The following USP6NL variants were observed in gnomAD, a reference collection of about 807,000 sequenced individuals.
USP6NL encodes the protein USP6 N-terminal like.
Under a neutral mutation model 61.9 loss-of-function variants are expected in USP6NL, and 26 were observed. The ratio of observed to expected loss-of-function variants is 0.42; its 90% confidence interval spans 0.31 to 0.58. The LOEUF (loss-of-function observed/expected upper bound fraction) is 0.58, where lower values mean the gene tolerates loss of function less well. Ranked by LOEUF, USP6NL falls within the 20% of genes least tolerant of loss-of-function variation. The pLI, the probability that USP6NL is intolerant of heterozygous loss-of-function variation, is 0.16. For synonymous variants in USP6NL, 432 were observed against 390.1 expected (o/e 1.11, Z -1.27); for missense variants, 1,114 against 1,034.3 (o/e 1.08, Z -1.06).
chr10:11,566,012 T>C (rs1281714823), intron 2 of USP6NL, among the ~76,000 whole-genome samples: 1 of 152,112 alleles, frequency 6.6e-6, no homozygotes, highest in Non-Finnish European at 1.5e-5. Flanking sequence ...TTATATGCCA[T>C]TGGAAGAGAT....
At position 11,556,661 on chromosome 10, in the gene USP6NL, A is replaced by C. The variant is rs112712831; in HGVS notation, c.5-29094T>G. ...TCGGACAAAGCCGACTTAGGCAATA[A>C]TCATTACAGGAGATACAAAGTAACA... On this transcript the variant is annotated intron_variant, in intron 2 of 14. Coordinates refer to ENST00000609104, the MANE Select transcript of USP6NL (RefSeq NM_014688.5). 2.9e-3 allele frequency among the ~76,000 whole-genome samples: 438 copies of C among 152,364 alleles called. 2 individuals carry two copies. The highest frequency in any genetic ancestry group is 0.01 in the African/African-American group (419 of 41,598).
chr10:11,571,723 G>A (rs1163389119), intron 2 of USP6NL, among the ~76,000 whole-genome samples: 4 of 149,346 alleles, frequency 2.7e-5, no homozygotes, highest in East Asian at 1.9e-4. Context: ...CAAGGAGTCT[G>A]TCAATATGAA....
At chr10:11,610,763 G>A (rs1369157971) in intron 1 of USP6NL, among the ~76,000 whole-genome samples, 2 of 151,990 alleles carry the variant, frequency 1.3e-5, no homozygotes, top group African/African-American at 2.4e-5. Context: ...TGTTGGGAAA[G>A]AAAGGGATAA....
rs1175459141 is a variant in USP6NL at position 11,489,753 on chromosome 10, T to C, written c.544-531A>G. On this transcript the variant is annotated intron_variant, in intron 9 of 14. Transcript: ENST00000609104. This position sits in a 1 kb window ranked among gnomAD's most constrained non-coding sequence, Gnocchi z 5.7. ...CTTGTGCCACAGGAACCACAGCTAA[T>C]GGACCAGAAGAGGACAGCTGACCCC... 6.6e-6 allele frequency among the ~76,000 whole-genome samples: 1 copy of C among 152,228 alleles called. No individual in the cohort carries two copies. The highest frequency in any genetic ancestry group is 1.5e-5 in the Non-Finnish European group (1 of 68,036).
At position 11,547,626 on chromosome 10, in the gene USP6NL, G is replaced by A. The variant is rs191732024; in HGVS notation, c.5-20059C>T. ...ACGATCTCAGCTCACTGCAAGCTCC[G>A]CCTCCCGGGGTTCACGCCATTCTCC... On this transcript the variant is annotated intron_variant, in intron 2 of 14. Transcript: ENST00000609104. 8.6e-3 allele frequency among the ~76,000 whole-genome samples: 1,278 copies of A among 149,338 alleles called. 9 individuals are homozygous for A. Among genetic ancestry groups the A allele is most frequent in the South Asian group, 0.03 (141 of 4,764 alleles).
chr10:11,506,070 A>C (rs1243088986), intron 6 of USP6NL, among the ~76,000 whole-genome samples: 1 of 152,230 alleles, frequency 6.6e-6, no homozygotes, highest in Non-Finnish European at 1.5e-5. Flanking sequence ...TGGTACAGTT[A>C]AATGAGCTCT....
At chr10:11,502,294 C>T (rs1349179494) in intron 6 of USP6NL, among the ~76,000 whole-genome samples, 1 of 151,368 alleles carries the variant, frequency 6.6e-6, no homozygotes, top group Non-Finnish European at 1.5e-5. Flanking sequence ...GTGTCATCAA[C>T]TCCCTCCATC....
chr10:11,463,374 G>A lies in USP6NL; in HGVS notation c.1554C>T (p.Thr518=), dbSNP rs367788287. 2 of 1,614,028 alleles carry A rather than the reference G, an allele frequency of 1.2e-6. No individual in the cohort carries two copies. The highest frequency in any genetic ancestry group is 1.7e-6 in the Non-Finnish European group (2 of 1,179,906). Residue 518 remains threonine, a synonymous_variant, in exon 15 of 15, where the codon ACC becomes ACT. Coordinates refer to ENST00000609104, the MANE Select transcript of USP6NL (RefSeq NM_014688.5). This position sits in a 1 kb window ranked among gnomAD's most constrained non-coding sequence, Gnocchi z 6.3. ...GRAAHPALAV[T]VPGPAEVRVS... Reference sequence around the variant, plus strand: ...CCCGCACCTCGGCAGGACCTGGGACGGTAACTGCGAGCGCGGGGTGCGCTG... The same window carrying A: ...CCCGCACCTCGGCAGGACCTGGGACAGTAACTGCGAGCGCGGGGTGCGCTG...
chr10:11,521,126 T>C (rs566493992), intron 4 of USP6NL, among the ~76,000 whole-genome samples: 1 of 152,252 alleles, frequency 6.6e-6, no homozygotes, highest in African/African-American at 2.4e-5. Context: ...ATGTTAACTA[T>C]AAGATGAACT....
intron 1 of USP6NL, among the ~76,000 whole-genome samples, chr10:11,607,698 AAATAAT>A (rs1227782792): frequency 1.3e-5 from 2 of 152,032 alleles, no homozygotes; most frequent in South Asian, 2.1e-4. Context: ...GAAAAGGAAA[AAATAAT>A]AATAATAATA....
In USP6NL at chr10:11,592,491, T is replaced by C. The variant is rs987538499; in HGVS notation, c.4+5140A>G. ...ACTGATTATATATTCATTTTAAGAA[T>C]AACATTTAGAACTTTATATTCCCAA... On this transcript the variant is annotated intron_variant, in intron 2 of 14. Transcript: ENST00000609104. The surrounding 1 kb of genome is among the most constrained non-coding windows in gnomAD (Gnocchi z 4.7). Among the ~76,000 whole-genome samples, 1 of 152,216 alleles carries C rather than the reference T, an allele frequency of 6.6e-6. No homozygotes were observed. Among genetic ancestry groups the C allele is most frequent in the African/African-American group, 2.4e-5 (1 of 41,442 alleles).
chr10:11,580,090 G>A (rs1025952226), intron 2 of USP6NL, among the ~76,000 whole-genome samples: 12 of 148,100 alleles, frequency 8.1e-5, no homozygotes, highest in African/African-American at 3.0e-4. Flanking sequence ...CAGCCTCCAC[G>A]AGAATTATCT....
chr10:11,594,872 G>T (rs1228852379), intron 2 of USP6NL, among the ~76,000 whole-genome samples: 2 of 152,162 alleles, frequency 1.3e-5, no homozygotes, highest in Non-Finnish European at 2.9e-5. Context: ...TTCTCCTCAA[G>T]GAGCACACAG....
In USP6NL at chr10:11,585,890, C is replaced by T. The variant is rs971328714; in HGVS notation, c.4+11741G>A. 6.6e-6 allele frequency among the ~76,000 whole-genome samples: 1 copy of T among 152,062 alleles called. No individual in the cohort carries two copies. Among genetic ancestry groups the T allele is most frequent in the Non-Finnish European group, 1.5e-5 (1 of 68,012 alleles). ...CAAAAATACAAATACTGAATGATTC[C>T]ACTTACATGAGGTACCTAGAGGTCA... On this transcript the variant is annotated intron_variant, in intron 2 of 14. Transcript: ENST00000609104. This position sits in a 1 kb window ranked among gnomAD's most constrained non-coding sequence, Gnocchi z 4.5.
intron 14 of USP6NL, among the ~76,000 whole-genome samples, chr10:11,464,820 C>T (rs544805859): frequency 1.3e-5 from 2 of 152,290 alleles, no homozygotes; most frequent in Non-Finnish European, 2.9e-5. Flanking sequence ...GCAACCCAAA[C>T]TTTAAAATGC....
rs1833700119 is a variant in USP6NL at position 11,491,295 on chromosome 10, C to G, written c.495-415G>C. 6.6e-6 allele frequency among the ~76,000 whole-genome samples: 1 copy of G among 152,148 alleles called. No individual in the cohort carries two copies. The highest frequency in any genetic ancestry group is 2.4e-5 in the African/African-American group (1 of 41,414). ...TTGGGATGCTGAATATGCTCCATAT[C>G]AGGCTCCAATTCAAGGTGCTGTTTT... On this transcript the variant is annotated intron_variant, in intron 8 of 14. Transcript: ENST00000609104. The surrounding 1 kb of genome is among the most constrained non-coding windows in gnomAD (Gnocchi z 4.7).
chr10:11,501,053 G>T, intron 7 of USP6NL, 48 bp downstream of exon 7: 1 of 1,395,924 alleles, frequency 7.2e-7, no homozygotes, highest in Non-Finnish European at 9.7e-7. Context: ...AAAAGAAATG[G>T]ATTTTACTTT....
At chr10:11,512,827 T>TG (rs1834781313) in intron 5 of USP6NL, among the ~76,000 whole-genome samples, 1 of 152,218 alleles carries the variant, frequency 6.6e-6, no homozygotes, top group Non-Finnish European at 1.5e-5. Flanking sequence ...CAAAACCAAC[T>TG]GTTCCCTTAG....
Position 11,579,963 on chromosome 10 carries a change from C to CGGAG in USP6NL, c.4+17667_4+17668insCTCC, listed in dbSNP as rs1588407588. Among the ~76,000 whole-genome samples, 5 of 102,310 alleles carry CGGAG rather than the reference C, an allele frequency of 4.9e-5. No individual in the cohort carries two copies. The East Asian group carries it at 1.6e-3, about 33-fold the overall frequency. 67.1% of individuals were successfully genotyped at this position (102,310 alleles called of 152,430 possible). ...ATTACAAACCACCAGTGGAGAGTGG[C>CGGAG]GGGGGGGGGGCAGCAACGTCTAAAG... On this transcript the variant is annotated intron_variant, in intron 2 of 14. Coordinates refer to ENST00000609104, the MANE Select transcript of USP6NL (RefSeq NM_014688.5).
Sources: gnomAD v4.1 joint callset for allele counts (sites outside exome capture counted in the v4.1 genomes callset) on GRCh38, gnomAD v4.1.1 for gene constraint, Gnocchi (gnomAD v3.1) non-coding constraint, MANE v1.5 for transcripts, NCBI Gene and HGNC (gene_info 2026-07-23, HGNC 2026-07-21) for gene names.